Variants in CFAP299 observed in about 807,000 individuals in gnomAD.
CFAP299 encodes cilia and flagella associated protein 299.
A neutral mutation model predicts 27.0 loss-of-function variants in CFAP299; 21 were observed. The observed-to-expected ratio is 0.78, with a 90% CI of 0.55 to 1.12. CFAP299 has a LOEUF of 1.12. Among genes scored for constraint, CFAP299 ranks in the 50% most tolerant of loss-of-function variants. The pLI is 0.00. For missense variants in CFAP299, 310 were observed against 276.6 expected, an observed-to-expected ratio of 1.12 and a Z score of -0.86; for synonymous variants, 104 against 98.1, an observed-to-expected ratio of 1.06 and a Z score of -0.36.
chr4:80,610,294 C>T (rs898717136), intron 3 of CFAP299, among the ~76,000 whole-genome samples: 6 of 152,018 alleles, frequency 3.9e-5, no homozygotes, highest in Non-Finnish European at 8.8e-5. Context: ...GTGAATATTG[C>T]TGAACCCAGC....
chr4:80,415,774 T>G (rs1726970922), intron 2 of CFAP299, among the ~76,000 whole-genome samples: 1 of 152,172 alleles, frequency 6.6e-6, no homozygotes, highest in Admixed American at 6.5e-5. Flanking sequence ...ATGTGTTATA[T>G]TATAGGGAAT....
chr4:80,861,563 A>G (rs1201119401), intron 3 of CFAP299, among the ~76,000 whole-genome samples: 1 of 152,092 alleles, frequency 6.6e-6, no homozygotes, highest in East Asian at 1.9e-4. Flanking sequence ...GCTGCTCTCC[A>G]ATCATCTTAT....
At chr4:80,659,058 AT>A (rs1227907071) in intron 3 of CFAP299, among the ~76,000 whole-genome samples, 1 of 152,162 alleles carries the variant, frequency 6.6e-6, no homozygotes, top group Non-Finnish European at 1.5e-5. Context: ...TTAATTTCAA[AT>A]TTTGGCTTTA....
chr4:80,718,276 C>T (rs939973811), intron 3 of CFAP299, among the ~76,000 whole-genome samples: 1 of 152,052 alleles, frequency 6.6e-6, no homozygotes, highest in East Asian at 1.9e-4. Flanking sequence ...GGGAGAGTAT[C>T]GTGTTCCTTC....
intron 3 of CFAP299, among the ~76,000 whole-genome samples, chr4:80,634,151 T>G (rs1298734322): frequency 6.6e-6 from 1 of 151,710 alleles, no homozygotes. Flanking sequence ...CCCAGCTAAT[T>G]TTTTGTATTT....
At chr4:80,963,437 G>C in intron 5 of CFAP299, 80 bp from the exon 6 acceptor site, 1 of 779,856 alleles carries the variant, frequency 1.3e-6, no homozygotes, top group South Asian at 1.8e-5. Flanking sequence ...GCAATATAAA[G>C]CAAAAAAATA....
At chr4:80,803,673 AAATTAATTTTATTATTTAATATACAG>A (rs1450268736) in intron 3 of CFAP299, among the ~76,000 whole-genome samples, 1 of 150,722 alleles carries the variant, frequency 6.6e-6, no homozygotes, top group Non-Finnish European at 1.5e-5. Flanking sequence ...AAAGCTAGTA[AAATTAATTTTATTATTTAATATACAG>A]AATATACTAC....
intron 2 of CFAP299, among the ~76,000 whole-genome samples, chr4:80,459,017 A>G (rs1056337574): frequency 2.6e-5 from 4 of 151,900 alleles, no homozygotes; most frequent in African/African-American, 4.8e-5. Context: ...GTCTTGCTCT[A>G]TCATTCCGGC....
At chr4:80,714,014 AAT>A (rs369191910) in intron 3 of CFAP299, among the ~76,000 whole-genome samples, 2 of 151,234 alleles carry the variant, frequency 1.3e-5, no homozygotes, top group Non-Finnish European at 3.0e-5. Flanking sequence ...GAGATAGTGG[AAT>A]ATATATATAT....
chr4:80,421,145 A>G (rs1727268708), intron 2 of CFAP299, among the ~76,000 whole-genome samples: 2 of 152,184 alleles, frequency 1.3e-5, no homozygotes, highest in South Asian at 2.1e-4. Flanking sequence ...CTTGATATAT[A>G]CTAACAGTCC....
chr4:80,900,661 A>C (rs963262862), intron 4 of CFAP299, among the ~76,000 whole-genome samples: 1 of 152,072 alleles, frequency 6.6e-6, no homozygotes, highest in African/African-American at 2.4e-5. Flanking sequence ...GGCTAAAAGT[A>C]ATAAGAAGCA....
rs140860802 is a variant in CFAP299 at position 80,839,569 on chromosome 4, T to C, written c.334-30424T>C. Among the ~76,000 whole-genome samples, 49 of 152,216 alleles carry C rather than the reference T, an allele frequency of 3.2e-4. No homozygotes were observed. The East Asian group carries it at 9.1e-3, about 28-fold the overall frequency. ...CATAAGTGTTTTCTCATCTGTAAAA[T>C]GACCACTACAGCAATTTCTTTCCTG... is the stretch of plus-strand genomic sequence containing the variant. On this transcript the variant is annotated intron_variant, in intron 3 of 5. Coordinates refer to ENST00000358105, the MANE Select transcript of CFAP299 (RefSeq NM_152770.3).
At chr4:80,772,699 G>A (rs1399992142) in intron 3 of CFAP299, among the ~76,000 whole-genome samples, 1 of 151,990 alleles carries the variant, frequency 6.6e-6, no homozygotes, top group Admixed American at 6.6e-5. Flanking sequence ...TTGTCTTAAT[G>A]CTTTCCCTCC....
the CFAP299 span, among the ~76,000 whole-genome samples, chr4:80,322,217 C>T: frequency 2.6e-5 from 4 of 152,198 alleles, no homozygotes; most frequent in African/African-American, 9.7e-5. Context: ...TGTAAAAGGG[C>T]TTGGGGAGAG....
intron 3 of CFAP299, among the ~76,000 whole-genome samples, chr4:80,661,472 C>T (rs573669937): frequency 1.8e-4 from 28 of 152,168 alleles, no homozygotes; most frequent in African/African-American, 6.7e-4. Flanking sequence ...TTTCTTACAC[C>T]TGTCTTTACT....
rs187270030 is a variant in CFAP299 at position 80,393,334 on chromosome 4, A to G, written c.242+30450A>G. On this transcript the variant is annotated intron_variant, in intron 2 of 5. Transcript: ENST00000358105. ...TACAGTAAGCTAAGATTAATTTATT[A>G]TTTAAGAAAGAATAACAATTTTGTG... Among the ~76,000 whole-genome samples, 1,516 of 151,968 alleles carry G rather than the reference A, an allele frequency of 1.0e-2. 14 individuals carry two copies. Among genetic ancestry groups the G allele is most frequent in the Non-Finnish European group, 0.016 (1,119 of 68,002 alleles).
At chr4:80,950,773 G>A (rs1441463165) in intron 5 of CFAP299, among the ~76,000 whole-genome samples, 1 of 152,170 alleles carries the variant, frequency 6.6e-6, no homozygotes, top group Non-Finnish European at 1.5e-5. Flanking sequence ...ACTGATCTGA[G>A]TGGAAGGCTT....
At chr4:80,541,898 C>T (rs758389130) in intron 2 of CFAP299, among the ~76,000 whole-genome samples, 3 of 151,742 alleles carry the variant, frequency 2.0e-5, no homozygotes, top group Non-Finnish European at 2.9e-5. Flanking sequence ...ATTATTGAGC[C>T]GTTACCGTGC....
At chr4:80,801,158 A>T (rs1034274301) in intron 3 of CFAP299, among the ~76,000 whole-genome samples, 1 of 150,844 alleles carries the variant, frequency 6.6e-6, no homozygotes, top group African/African-American at 2.4e-5. Flanking sequence ...AATCAAGTTG[A>T]CACTCAGTAC....
Sources: allele counts gnomAD v4.1 joint callset (sites outside exome capture counted in the v4.1 genomes callset), GRCh38; gene constraint gnomAD v4.1.1; transcripts MANE v1.5; gene names NCBI Gene and HGNC (gene_info 2026-07-23, HGNC 2026-07-21).